DNAH3: variants seen among roughly 807,000 people sequenced by gnomAD.
DNAH3 encodes dynein axonemal heavy chain 3, also known as axonemal beta dynein heavy chain 3.
A neutral mutation model predicts 432.5 loss-of-function variants in DNAH3; 332 were observed. That is an observed-to-expected ratio of 0.77 (90% CI 0.70 to 0.84). The LOEUF (loss-of-function observed/expected upper bound fraction) is 0.84, where lower values mean the gene tolerates loss of function less well. Ranked by LOEUF, DNAH3 falls within the 40% of genes least tolerant of loss-of-function variation. DNAH3 has a pLI of 0.00. For synonymous variants in DNAH3, 1,956 were observed against 1,900.2 expected, an observed-to-expected ratio of 1.03 and a Z score of -0.76; for missense variants, 4,861 against 5,114.0, an observed-to-expected ratio of 0.95 and a Z score of 1.51.
chr16:21,104,591 T>C (rs772527625), intron 15 of DNAH3: 1 of 1,564,328 alleles, frequency 6.4e-7, no homozygotes, highest in South Asian at 1.1e-5. Context: ...TTTGATGTCC[T>C]CATCTGCAAA....
chr16:20,962,991 T>A (rs1425714082), intron 53 of DNAH3, among the ~76,000 whole-genome samples: 1 of 152,160 alleles, frequency 6.6e-6, no homozygotes, highest in Non-Finnish European at 1.5e-5. Flanking sequence ...GAACTTTGAA[T>A]GAATTATCAA....
intron 41 of DNAH3, among the ~76,000 whole-genome samples, chr16:21,015,033 C>A (rs532707133): frequency 1.1e-4 from 16 of 152,262 alleles, no homozygotes; most frequent in African/African-American, 3.8e-4. Context: ...TAGGTAAACA[C>A]AGCCTTAACA....
intron 61 of DNAH3, among the ~76,000 whole-genome samples, chr16:20,934,577 T>C (rs962747232): frequency 3.3e-4 from 50 of 152,164 alleles, no homozygotes; most frequent in African/African-American, 1.2e-3. Flanking sequence ...GGAATGGGTG[T>C]ATGGGTACTC....
intron 18 of DNAH3, among the ~76,000 whole-genome samples, chr16:21,088,912 G>A (rs946696665): frequency 6.6e-6 from 1 of 152,180 alleles, no homozygotes; most frequent in Non-Finnish European, 1.5e-5. Flanking sequence ...GTGAGGCCAT[G>A]CAATTAACCA....
chr16:21,048,451 T>C (rs1403504581), intron 31 of DNAH3, among the ~76,000 whole-genome samples: 1 of 152,206 alleles, frequency 6.6e-6, no homozygotes, highest in Admixed American at 6.5e-5. Flanking sequence ...AGGTGCCGTC[T>C]GTCACCCCTT....
At chr16:21,041,188 TG>T (rs2152732803) in intron 32 of DNAH3, among the ~76,000 whole-genome samples, 1 of 152,160 alleles carries the variant, frequency 6.6e-6, no homozygotes, top group Admixed American at 6.5e-5. Context: ...CTGGCCAACA[TG>T]GTAAGACTCT....
At chr16:21,149,317 G>A (rs1296154569) in intron 1 of DNAH3, among the ~76,000 whole-genome samples, 2 of 152,124 alleles carry the variant, frequency 1.3e-5, no homozygotes, top group South Asian at 2.1e-4. Flanking sequence ...TCACTTCAGA[G>A]CATATTGGCT....
In DNAH3 at chr16:21,064,611, A is replaced by G. The variant is rs1251027136; in HGVS notation, c.3519-1928T>C. ...GAGATGTCAATTTCTCCCACTCCCA[A>G]GTGAAATTCAAATGGGTGATCTCTA... is the stretch of plus-strand genomic sequence containing the variant. On this transcript the variant is annotated intron_variant, in intron 24 of 61. Coordinates refer to ENST00000261383, the Ensembl canonical transcript of DNAH3. Among the ~76,000 whole-genome samples the G allele has an allele frequency of 3.3e-5, 5 of 152,296 alleles. No homozygotes were observed. In the South Asian group the frequency reaches 6.2e-4, roughly 19 times the overall value.
intron 18 of DNAH3, 129 bp downstream of exon 18, chr16:21,097,226 T>C (rs1208720517): frequency 1.8e-6 from 2 of 1,111,008 alleles, no homozygotes; most frequent in Non-Finnish European, 2.7e-6. Flanking sequence ...GTGGCTGCCT[T>C]AATCTGGAGT....
At chr16:21,045,850 G>T (rs1158910345) in intron 31 of DNAH3, among the ~76,000 whole-genome samples, 6 of 138,154 alleles carry the variant, frequency 4.3e-5, no homozygotes, top group Non-Finnish European at 6.3e-5. Context: ...CTTTGAATGC[G>T]TCCCAGAGAT....
At chr16:21,055,207 C>T (rs191308250) in intron 27 of DNAH3, among the ~76,000 whole-genome samples, 9 of 152,150 alleles carry the variant, frequency 5.9e-5, no homozygotes, top group African/African-American at 2.2e-4. Flanking sequence ...AGGTGTGCAC[C>T]ACCACACTCA....
chr16:21,151,863 T>C (rs1406572795), intron 1 of DNAH3, among the ~76,000 whole-genome samples: 1 of 152,204 alleles, frequency 6.6e-6, no homozygotes, highest in African/African-American at 2.4e-5. Flanking sequence ...GGGGGTGCCA[T>C]GCTTGCATAT....
chr16:21,094,268 A>G (rs1222309837), intron 18 of DNAH3, among the ~76,000 whole-genome samples: 1 of 152,256 alleles, frequency 6.6e-6, no homozygotes, highest in Non-Finnish European at 1.5e-5. Flanking sequence ...AAGAGGATAT[A>G]CAAATGACAG....
chr16:21,041,667 T>A (rs1007484258), intron 32 of DNAH3, among the ~76,000 whole-genome samples: 1 of 152,138 alleles, frequency 6.6e-6, no homozygotes, highest in Non-Finnish European at 1.5e-5. Flanking sequence ...AGGTTTCTTT[T>A]CTTTCGCTTT....
chr16:20,956,292 T>C (rs2084562378), intron 54 of DNAH3, among the ~76,000 whole-genome samples: 1 of 152,160 alleles, frequency 6.6e-6, no homozygotes, highest in Non-Finnish European at 1.5e-5. Context: ...ATCTTCCCTT[T>C]AAAATTGTTA....
At chr16:21,001,851 T>A (rs1250137479) in intron 42 of DNAH3, among the ~76,000 whole-genome samples, 3 of 152,202 alleles carry the variant, frequency 2.0e-5, no homozygotes, top group African/African-American at 7.2e-5. Context: ...GTTTCATAGA[T>A]GTTTATTTTC....
At chr16:21,154,982 C>G (rs1441143361) in intron 1 of DNAH3, among the ~76,000 whole-genome samples, 3 of 141,896 alleles carry the variant, frequency 2.1e-5, no homozygotes, top group Admixed American at 7.3e-5. Context: ...TGGAATCTTG[C>G]TCTGTTGCCC....
chr16:21,104,402 C>T, intron 16 of DNAH3, 69 bp downstream of exon 16: 1 of 1,414,766 alleles, frequency 7.1e-7, no homozygotes, highest in Non-Finnish European at 1.0e-6. Flanking sequence ...TTAGACAGAA[C>T]CAGGAACCTG....
At chr16:21,108,379 C>T (rs929503254) in intron 14 of DNAH3, among the ~76,000 whole-genome samples, 6 of 152,150 alleles carry the variant, frequency 3.9e-5, no homozygotes, top group African/African-American at 1.4e-4. Context: ...CACCATGTTG[C>T]TTTGATTTGA....
Sources: gnomAD v4.1 joint callset for allele counts (sites outside exome capture counted in the v4.1 genomes callset) on GRCh38, gnomAD v4.1.1 for gene constraint, MANE v1.5 for transcripts, NCBI Gene and HGNC (gene_info 2026-07-23, HGNC 2026-07-21) for gene names.